Variants in KLHL1 observed in about 807,000 individuals in gnomAD.
KLHL1 encodes the protein kelch like family member 1, also known as kelch-like protein 1.
KLHL1 carries 47 observed loss-of-function variants against 77.7 expected under a neutral mutation model. The ratio of observed to expected loss-of-function variants is 0.60; its 90% confidence interval spans 0.48 to 0.77. The LOEUF (loss-of-function observed/expected upper bound fraction) is 0.77. KLHL1 is among the 30% of genes least tolerant of loss of function. The probability of loss-of-function intolerance (pLI) is 0.00; values close to 1 mark genes in which losing one functional copy is unlikely to be tolerated. For synonymous variants in KLHL1, 360 were observed against 325.2 expected (o/e 1.11, Z -1.15); for missense variants, 925 against 910.8 (o/e 1.02, Z -0.20).
chr13:70,083,698 T>A (rs1055414285), intron 1 of KLHL1, among the ~76,000 whole-genome samples: 2 of 152,158 alleles, frequency 1.3e-5, no homozygotes, highest in African/African-American at 2.4e-5. Context: ...ATTATGTTTT[T>A]AAAAGATGAT....
At chr13:70,097,920 T>C (rs933300603) in intron 1 of KLHL1, among the ~76,000 whole-genome samples, 1 of 151,468 alleles carries the variant, frequency 6.6e-6, no homozygotes, top group Admixed American at 6.6e-5. Flanking sequence ...AGGCTAGGTA[T>C]CATTGTGAAA....
At chr13:69,887,082 A>G (rs1050045822) in intron 4 of KLHL1, among the ~76,000 whole-genome samples, 3 of 152,170 alleles carry the variant, frequency 2.0e-5, no homozygotes, top group Non-Finnish European at 2.9e-5. Context: ...TATGAAAAAT[A>G]TAATCTTTGG....
At chr13:69,871,058 C>T (rs1593905330) in intron 5 of KLHL1, among the ~76,000 whole-genome samples, 1 of 152,118 alleles carries the variant, frequency 6.6e-6, no homozygotes, top group South Asian at 2.1e-4. Context: ...TCTGCCTAGA[C>T]TCCCAGGCTT....
chr13:69,920,453 T>G (rs1308225284), intron 4 of KLHL1, among the ~76,000 whole-genome samples: 1 of 152,094 alleles, frequency 6.6e-6, no homozygotes, highest in Non-Finnish European at 1.5e-5. Flanking sequence ...AATGTGACCA[T>G]GAAGAATTTG....
chr13:69,859,550 G>A (rs1486874437), intron 5 of KLHL1, among the ~76,000 whole-genome samples: 2 of 151,954 alleles, frequency 1.3e-5, no homozygotes, highest in African/African-American at 2.4e-5. Flanking sequence ...ACCATAGTTC[G>A]AGTTCTCTGA....
intron 1 of KLHL1, among the ~76,000 whole-genome samples, chr13:69,981,903 A>C (rs1212552802): frequency 6.6e-6 from 1 of 151,832 alleles, no homozygotes; most frequent in Non-Finnish European, 1.5e-5. Flanking sequence ...ATATCTTTAA[A>C]ATAAAAAGAT....
At chr13:69,805,382 A>G (rs1183107099) in intron 6 of KLHL1, among the ~76,000 whole-genome samples, 1 of 151,978 alleles carries the variant, frequency 6.6e-6, no homozygotes, top group African/African-American at 2.4e-5. Context: ...GTACAAAAAG[A>G]AGTCTACTTC....
chr13:69,787,032 A>T (rs1876589414), intron 7 of KLHL1, among the ~76,000 whole-genome samples: 1 of 152,224 alleles, frequency 6.6e-6, no homozygotes, highest in African/African-American at 2.4e-5. Context: ...ATGGAAGAAC[A>T]TTCCATGCTC....
intron 1 of KLHL1, among the ~76,000 whole-genome samples, chr13:70,075,510 T>C (rs1369546720): frequency 6.8e-6 from 1 of 146,132 alleles, no homozygotes; most frequent in African/African-American, 2.5e-5. Flanking sequence ...TTAATATATA[T>C]ATAATTATTG....
At chr13:69,739,262 T>C (rs879033385) in intron 8 of KLHL1, among the ~76,000 whole-genome samples, 3 of 152,136 alleles carry the variant, frequency 2.0e-5, no homozygotes, top group Admixed American at 1.3e-4. Flanking sequence ...GCACTAAATA[T>C]GAAAAGGACG....
intron 2 of KLHL1, 83 bp downstream of exon 2, chr13:69,975,537 A>G: frequency 8.7e-7 from 1 of 1,148,292 alleles, no homozygotes; most frequent in Non-Finnish European, 1.2e-6. Flanking sequence ...TTCTGTAGTC[A>G]TATAATATTC....
intron 1 of KLHL1, among the ~76,000 whole-genome samples, chr13:70,033,123 T>G (rs1886147493): frequency 6.6e-6 from 1 of 152,226 alleles, no homozygotes; most frequent in African/African-American, 2.4e-5. Context: ...GAATGGTTTA[T>G]TTCCAATTTT....
At chr13:69,824,924 A>G (rs1341458723) in intron 6 of KLHL1, among the ~76,000 whole-genome samples, 4 of 152,270 alleles carry the variant, frequency 2.6e-5, no homozygotes, top group Non-Finnish European at 5.9e-5. Context: ...TATCTAAAAA[A>G]AATTTGAAAT....
intron 4 of KLHL1, among the ~76,000 whole-genome samples, chr13:69,911,936 G>A (rs768592945): frequency 5.9e-5 from 9 of 152,064 alleles, no homozygotes; most frequent in African/African-American, 1.7e-4. Context: ...TAAATAACAC[G>A]AAGAGTGGTC....
intron 5 of KLHL1, among the ~76,000 whole-genome samples, chr13:69,878,653 CAT>C (rs1225510993): frequency 2.6e-5 from 4 of 151,392 alleles, no homozygotes; most frequent in African/African-American, 4.9e-5. Context: ...TATATAAACA[CAT>C]ATAAATACAT....
At chr13:69,802,028 C>A (rs547590398) in intron 6 of KLHL1, among the ~76,000 whole-genome samples, 3 of 152,196 alleles carry the variant, frequency 2.0e-5, no homozygotes, top group Middle Eastern at 6.8e-3. Flanking sequence ...CCCCCTACCC[C>A]CTGACAGGCC....
At chr13:69,805,702 A>C (rs562931329) in intron 6 of KLHL1, among the ~76,000 whole-genome samples, 3 of 151,388 alleles carry the variant, frequency 2.0e-5, no homozygotes, top group East Asian at 3.9e-4. Flanking sequence ...AAAAAAAAAA[A>C]CAAAACAACA....
At chr13:69,770,739 CA>C (rs1875524626) in intron 7 of KLHL1, among the ~76,000 whole-genome samples, 1 of 152,072 alleles carries the variant, frequency 6.6e-6, no homozygotes, top group Non-Finnish European at 1.5e-5. Context: ...AGATCCTAAT[CA>C]TTCTATTTAT....
At chr13:69,956,048 G>GAT (rs1249096730) in intron 3 of KLHL1, among the ~76,000 whole-genome samples, 1 of 102,178 alleles carries the variant, frequency 9.8e-6, no homozygotes, top group Non-Finnish European at 1.9e-5. Flanking sequence ...ATATATATTT[G>GAT]ATATATATAT....
Sources: gnomAD v4.1 joint callset for allele counts (sites outside exome capture counted in the v4.1 genomes callset) on GRCh38, gnomAD v4.1.1 for gene constraint, MANE v1.5 for transcripts, NCBI Gene and HGNC (gene_info 2026-07-23, HGNC 2026-07-21) for gene names.